TEAD1: variants seen among roughly 807,000 people sequenced by gnomAD.
TEAD1 encodes TEA domain transcription factor 1.
TEAD1 carries 9 observed loss-of-function variants against 54.9 expected under a neutral mutation model. The ratio of observed to expected loss-of-function variants is 0.16; its 90% confidence interval spans 0.10 to 0.29. The LOEUF (loss-of-function observed/expected upper bound fraction) is 0.29, where lower values mean the gene tolerates loss of function less well. Among genes scored for constraint, TEAD1 ranks in the 10% least tolerant of loss-of-function variants. The probability of loss-of-function intolerance (pLI) is 1.00; values close to 1 mark genes in which losing one functional copy is unlikely to be tolerated. For missense variants in TEAD1, 387 were observed against 535.9 expected, an observed-to-expected ratio of 0.72 and a Z score of 2.74; for synonymous variants, 200 against 187.8, an observed-to-expected ratio of 1.07 and a Z score of -0.53.
chr11:12,812,943 C>T (rs1354207629), intron 3 of TEAD1, among the ~76,000 whole-genome samples: 1 of 152,208 alleles, frequency 6.6e-6, no homozygotes, highest in Non-Finnish European at 1.5e-5. Context: ...TGGTAGCAGC[C>T]TCCTGGCACA....
At chr11:12,905,513 G>C (rs1473087725) in intron 10 of TEAD1, among the ~76,000 whole-genome samples, 2 of 152,200 alleles carry the variant, frequency 1.3e-5, no homozygotes, top group African/African-American at 4.8e-5. Context: ...AAATAAAGGA[G>C]GGAAGGCAAT....
intron 3 of TEAD1, among the ~76,000 whole-genome samples, chr11:12,775,944 T>C (rs979627285): frequency 2.0e-5 from 3 of 151,370 alleles, no homozygotes; most frequent in Admixed American, 2.0e-4. Context: ...ATTGCCTGGG[T>C]CCACTGTGGT....
At chr11:12,704,868 C>A (rs1340021060) in intron 2 of TEAD1, among the ~76,000 whole-genome samples, 3 of 152,180 alleles carry the variant, frequency 2.0e-5, no homozygotes, top group Non-Finnish European at 2.9e-5. Flanking sequence ...TTGGCATCTT[C>A]AGATTAGCTG....
chr11:12,830,824 G>A (rs1041176639), intron 3 of TEAD1, among the ~76,000 whole-genome samples: 5 of 151,978 alleles, frequency 3.3e-5, no homozygotes, highest in African/African-American at 9.7e-5. Context: ...AGGGAAAAAC[G>A]AGCCAGTTTT....
intron 3 of TEAD1, among the ~76,000 whole-genome samples, chr11:12,858,496 A>G (rs534459333): frequency 6.6e-6 from 1 of 152,374 alleles, no homozygotes; most frequent in Admixed American, 6.5e-5. Context: ...AAATTGTACT[A>G]GTTTTATAAG....
intron 10 of TEAD1, among the ~76,000 whole-genome samples, chr11:12,915,207 C>T (rs1488714552): frequency 6.6e-6 from 1 of 152,160 alleles, no homozygotes; most frequent in Non-Finnish European, 1.5e-5. Flanking sequence ...ATCTGCTTGC[C>T]TTTGTTCCAG....
rs1176865272 is a variant in TEAD1, at chr11:12,840,246, C to CAAAAAAAAAAAAAA, written c.203-22001_203-21988dup. On this transcript the variant is annotated intron_variant, in intron 3 of 12. Transcript: ENST00000527636. ...TGGGCGACAGAGCGAGACTCTGCCT[C>CAAAAAAAAAAAAAA]AAAAAAAAAAAAAAAAGAAAAAAAA... 8.3e-3 allele frequency among the ~76,000 whole-genome samples: 260 copies of CAAAAAAAAAAAAAA among 31,456 alleles called. 19 individuals carry two copies. Among genetic ancestry groups the CAAAAAAAAAAAAAA allele is most frequent in the Non-Finnish European group, 9.6e-3 (177 of 18,374 alleles). The allele number at this position is 31,456 out of a possible 152,430, so 20.6% of individuals were successfully genotyped here.
intron 5 of TEAD1, chr11:12,865,489 A>G (rs1564968909): frequency 6.5e-6 from 1 of 153,424 alleles, no homozygotes; most frequent in Non-Finnish European, 1.5e-5. Flanking sequence ...TTTTAAGTGA[A>G]TGGCGCTCTT....
intron 3 of TEAD1, among the ~76,000 whole-genome samples, chr11:12,786,056 G>A (rs1462590736): frequency 6.6e-6 from 1 of 152,178 alleles, no homozygotes. Flanking sequence ...GGGGAGCCAA[G>A]GCCCTGGGCT....
At chr11:12,819,278 ATTTT>A (rs72319822) in intron 3 of TEAD1, among the ~76,000 whole-genome samples, 22 of 146,876 alleles carry the variant, frequency 1.5e-4, no homozygotes, top group Admixed American at 2.0e-4. Flanking sequence ...TGCAGAGGTG[ATTTT>A]TTTTTTTTTT....
At chr11:12,781,645 T>TAA (rs57397259) in intron 3 of TEAD1, among the ~76,000 whole-genome samples, 3 of 143,120 alleles carry the variant, frequency 2.1e-5, no homozygotes, top group Admixed American at 7.0e-5. Context: ...TGGCTATCAT[T>TAA]AAAAAAAAAA....
chr11:12,741,712 A>G (rs1944652998), intron 2 of TEAD1, among the ~76,000 whole-genome samples: 1 of 152,216 alleles, frequency 6.6e-6, no homozygotes, highest in South Asian at 2.1e-4. Flanking sequence ...ATGCAGGTTC[A>G]GGATATTAAA....
At chr11:12,708,657 G>A (rs566185234) in intron 2 of TEAD1, among the ~76,000 whole-genome samples, 1 of 152,098 alleles carries the variant, frequency 6.6e-6, no homozygotes, top group African/African-American at 2.4e-5. Context: ...ACACAAAAGG[G>A]TGTTCCTCCG....
intron 3 of TEAD1, among the ~76,000 whole-genome samples, chr11:12,804,315 C>T (rs901225582): frequency 1.3e-5 from 2 of 152,198 alleles, no homozygotes; most frequent in African/African-American, 2.4e-5. Context: ...TTTTCCCTAG[C>T]GGTGGTCCCT....
intron 3 of TEAD1, among the ~76,000 whole-genome samples, chr11:12,767,684 G>A (rs1945232577): frequency 6.6e-6 from 1 of 152,196 alleles, no homozygotes; most frequent in African/African-American, 2.4e-5. Context: ...GAGACTTTAT[G>A]TGTTTGGGCT....
chr11:12,786,978 C>T lies in TEAD1; in HGVS notation c.202+22544C>T, dbSNP rs577176691. 3.3e-5 allele frequency among the ~76,000 whole-genome samples: 5 copies of T among 152,224 alleles called. No homozygotes were observed. In the South Asian group the frequency reaches 1.0e-3, roughly 32 times the overall value. ...ATGTGTTTGAGGACTGGTGGGCCTCCGTGGCTTGAGTGGAGTCAGCAGGGA... is the reference window on the plus strand; with the variant it reads ...ATGTGTTTGAGGACTGGTGGGCCTCTGTGGCTTGAGTGGAGTCAGCAGGGA... On this transcript the variant is annotated intron_variant, in intron 3 of 12. Coordinates refer to ENST00000527636, the MANE Select transcript of TEAD1 (RefSeq NM_021961.6).
intron 3 of TEAD1, among the ~76,000 whole-genome samples, chr11:12,794,381 A>G (rs1222415241): frequency 6.6e-6 from 1 of 152,232 alleles, no homozygotes; most frequent in Admixed American, 6.5e-5. Context: ...AAGAGCAGGT[A>G]CATTCTGAAG....
intron 9 of TEAD1, among the ~76,000 whole-genome samples, chr11:12,889,079 ACAGCAG>A (rs1421255451): frequency 6.6e-6 from 1 of 152,232 alleles, no homozygotes; most frequent in Non-Finnish European, 1.5e-5. Flanking sequence ...TAAGAGAAAA[ACAGCAG>A]AGGGTGAAGA....
intron 3 of TEAD1, among the ~76,000 whole-genome samples, chr11:12,799,319 T>G (rs1946002715): frequency 6.6e-6 from 1 of 152,278 alleles, no homozygotes; most frequent in African/African-American, 2.4e-5. Flanking sequence ...AAGGCGCTTG[T>G]TAATAGTCAC....
Sources: gnomAD v4.1 joint callset for allele counts (sites outside exome capture counted in the v4.1 genomes callset) on GRCh38, gnomAD v4.1.1 for gene constraint, MANE v1.5 for transcripts, NCBI Gene and HGNC (gene_info 2026-07-23, HGNC 2026-07-21) for gene names.